DNAAF11: variants seen among roughly 807,000 people sequenced by gnomAD.
The protein encoded by DNAAF11 is leucine rich repeat containing 6.
A neutral mutation model predicts 60.8 loss-of-function variants in DNAAF11; 45 were observed. The ratio of observed to expected loss-of-function variants is 0.74; its 90% CI spans 0.58 to 0.95. The LOEUF (loss-of-function observed/expected upper bound fraction) is 0.95, where lower values mean the gene tolerates loss of function less well. Ranked by LOEUF, DNAAF11 falls within the 40% of genes least tolerant of loss-of-function variation. The pLI, the probability that DNAAF11 is intolerant of heterozygous loss-of-function variation, is 0.00. For synonymous variants in DNAAF11, 191 were observed against 183.5 expected (o/e 1.04, Z -0.33); for missense variants, 546 against 546.2 (o/e 1.00, Z 0.00).
chr8:132,617,548 G>A (rs923621905), intron 7 of DNAAF11, among the ~76,000 whole-genome samples: 6 of 152,298 alleles, frequency 3.9e-5, no homozygotes, highest in Non-Finnish European at 5.9e-5. Flanking sequence ...TTTAGGCTGA[G>A]ACAATGGGGT....
the DNAAF11 span, among the ~76,000 whole-genome samples, chr8:132,699,450 A>G: frequency 6.6e-6 from 1 of 152,276 alleles, no homozygotes; most frequent in African/African-American, 2.4e-5. Flanking sequence ...ATTAACAAGG[A>G]AGCCAAGTGG....
At chr8:132,581,526 AG>A (rs1475424404) in intron 11 of DNAAF11, among the ~76,000 whole-genome samples, 1 of 151,754 alleles carries the variant, frequency 6.6e-6, no homozygotes, top group Non-Finnish European at 1.5e-5. Flanking sequence ...GGCAGGCACC[AG>A]TAGTCCCAGC....
chr8:132,574,361 T>C (rs969520823), intron 11 of DNAAF11, among the ~76,000 whole-genome samples: 1 of 152,226 alleles, frequency 6.6e-6, no homozygotes, highest in Non-Finnish European at 1.5e-5. Flanking sequence ...TCACTGTGCC[T>C]TGCAATGTGT....
the DNAAF11 span, among the ~76,000 whole-genome samples, chr8:132,683,130 C>T: frequency 6.6e-6 from 1 of 152,128 alleles, no homozygotes; most frequent in East Asian, 1.9e-4. Context: ...ATTTAGCAGC[C>T]TAAGTCTTCT....
intron 1 of DNAAF11, among the ~76,000 whole-genome samples, chr8:132,667,240 G>A (rs1021723675): frequency 1.3e-5 from 2 of 152,164 alleles, no homozygotes; most frequent in African/African-American, 4.8e-5. Flanking sequence ...TTTATGATAC[G>A]TAGATTTGGG....
At chr8:132,626,106 G>C (rs1419114582) in intron 5 of DNAAF11, among the ~76,000 whole-genome samples, 2 of 151,442 alleles carry the variant, frequency 1.3e-5, no homozygotes, top group Non-Finnish European at 2.9e-5. Flanking sequence ...CTGGAGTGCA[G>C]TGGCCAGTGG....
intron 5 of DNAAF11, among the ~76,000 whole-genome samples, chr8:132,629,219 T>C (rs1820564704): frequency 6.6e-6 from 1 of 152,048 alleles, no homozygotes; most frequent in Non-Finnish European, 1.5e-5. Context: ...CAACTGAGAA[T>C]AGAAGGAAGC....
chr8:132,575,311 G>A (rs1193533640), intron 11 of DNAAF11, among the ~76,000 whole-genome samples: 1 of 152,194 alleles, frequency 6.6e-6, no homozygotes, highest in East Asian at 1.9e-4. Flanking sequence ...GTAGAGAAGT[G>A]CCAGAAACAC....
chr8:132,578,235 T>TC (rs1055016318), intron 11 of DNAAF11, among the ~76,000 whole-genome samples: 1 of 152,176 alleles, frequency 6.6e-6, no homozygotes. Flanking sequence ...ACTTAGCTAG[T>TC]ACATTGTTAT....
chr8:132,635,155 T>C (rs901295785), intron 4 of DNAAF11, among the ~76,000 whole-genome samples: 8 of 152,172 alleles, frequency 5.3e-5, no homozygotes, highest in African/African-American at 1.9e-4. Context: ...TCTGTTAGTC[T>C]TTGAAATTGG....
At chr8:132,671,673 G>T (rs1196672758) in intron 1 of DNAAF11, among the ~76,000 whole-genome samples, 2 of 152,066 alleles carry the variant, frequency 1.3e-5, no homozygotes, top group Non-Finnish European at 2.9e-5. Context: ...TGGCACAGAG[G>T]AAGACAAATA....
At chr8:132,612,483 T>G (rs1418723798) in intron 8 of DNAAF11, among the ~76,000 whole-genome samples, 1 of 152,190 alleles carries the variant, frequency 6.6e-6, no homozygotes, top group Non-Finnish European at 1.5e-5. Context: ...AAGCTGCTTC[T>G]TATCTTTCAA....
the DNAAF11 span, among the ~76,000 whole-genome samples, chr8:132,697,383 C>T: frequency 6.6e-6 from 1 of 152,028 alleles, no homozygotes; most frequent in Non-Finnish European, 1.5e-5. Context: ...TTTGGGAGGC[C>T]GAGGTGGGCA....
upstream of DNAAF11, chr8:132,675,647 G>A (rs1825729263): frequency 1.4e-6 from 1 of 692,086 alleles, no homozygotes; most frequent in Non-Finnish European, 2.3e-6. Flanking sequence ...AAAACAAGCC[G>A]CGTTTCCTGA....
chr8:132,702,903 G>A, the DNAAF11 span, among the ~76,000 whole-genome samples: 1 of 152,148 alleles, frequency 6.6e-6, no homozygotes, highest in African/African-American at 2.4e-5. Context: ...AGGAAGATTA[G>A]GAAGGCGGAA....
intron 1 of DNAAF11, among the ~76,000 whole-genome samples, chr8:132,674,112 C>CAGGAGGAGG (rs1289910379): frequency 1.1e-4 from 5 of 46,694 alleles, no homozygotes; most frequent in Admixed American, 2.2e-4. Context: ...GGAGGAGGAG[C>CAGGAGGAGG]AGGAGGAGGA....
the DNAAF11 span, among the ~76,000 whole-genome samples, chr8:132,691,158 C>T: frequency 6.6e-6 from 1 of 152,212 alleles, no homozygotes; most frequent in Non-Finnish European, 1.5e-5. Context: ...TATTCTTCTC[C>T]ATTAACTTAG....
intron 2 of DNAAF11, among the ~76,000 whole-genome samples, chr8:132,661,013 C>A (rs1295571194): frequency 6.6e-6 from 1 of 152,182 alleles, no homozygotes; most frequent in Non-Finnish European, 1.5e-5. Context: ...ATACCCAATA[C>A]TGAGCCCAAT....
Position 132,570,677 on chromosome 8 carries a change from C to T in DNAAF11, c.*1629G>A, listed in dbSNP as rs2130917771. Among the ~76,000 whole-genome samples, 1 of 152,288 alleles carries T rather than the reference C, an allele frequency of 6.6e-6. No homozygotes were observed. Among genetic ancestry groups the T allele is most frequent in the Admixed American group, 6.5e-5 (1 of 15,296 alleles). The stretch of plus-strand genomic sequence containing the variant: ...TATACTCAGTCATTGCCATCAGTCG[C>T]AGTGATGGACAGATGCAGAGGGACC... On this transcript the variant is annotated 3_prime_UTR_variant, in exon 12 of 12. Transcript: ENST00000620350.
Sources: allele counts gnomAD v4.1 joint callset (sites outside exome capture counted in the v4.1 genomes callset), GRCh38; gene constraint gnomAD v4.1.1; transcripts MANE v1.5; gene names NCBI Gene and HGNC (gene_info 2026-07-23, HGNC 2026-07-21).